Variants in ESRRG observed in about 807,000 individuals in gnomAD.
ESRRG encodes estrogen related receptor gamma, also known as estrogen-related receptor gamma.
ESRRG carries 13 observed loss-of-function variants against 44.0 expected under a neutral mutation model. The ratio of observed to expected loss-of-function variants is 0.30; its 90% CI spans 0.19 to 0.47. The LOEUF (loss-of-function observed/expected upper bound fraction) is 0.47. Ranked by LOEUF, ESRRG falls within the 20% of genes least tolerant of loss-of-function variation. The probability of loss-of-function intolerance (pLI) is 1.00; values close to 1 mark genes in which losing one functional copy is unlikely to be tolerated. For missense variants in ESRRG, 395 were observed against 580.6 expected (o/e 0.68, Z 3.29); for synonymous variants, 215 against 214.6 (o/e 1.00, Z -0.02).
chr1:216,702,093 T>A (rs1486332444), intron 1 of ESRRG, among the ~76,000 whole-genome samples: 2 of 152,256 alleles, frequency 1.3e-5, no homozygotes, highest in Non-Finnish European at 2.9e-5. Flanking sequence ...CAAGTAGTTA[T>A]CGCTAATTAA....
At chr1:217,128,593 T>TA (rs984513240) in intron 1 of ESRRG, among the ~76,000 whole-genome samples, 7 of 151,442 alleles carry the variant, frequency 4.6e-5, no homozygotes, top group East Asian at 1.9e-4. Context: ...AATGATAATT[T>TA]AAAAAAAAAT....
chr1:217,006,887 T>C (rs2077821962), intron 1 of ESRRG, among the ~76,000 whole-genome samples: 1 of 152,114 alleles, frequency 6.6e-6, no homozygotes, highest in Non-Finnish European at 1.5e-5. Flanking sequence ...CTGTATTTAG[T>C]AAACTGAACT....
At chr1:217,030,674 C>A (rs2081946163) in intron 1 of ESRRG, among the ~76,000 whole-genome samples, 1 of 152,174 alleles carries the variant, frequency 6.6e-6, no homozygotes, top group South Asian at 2.1e-4. Flanking sequence ...AGGAGATGGG[C>A]TGAGCATTTG....
chr1:216,970,120 G>A (rs1468946255), intron 1 of ESRRG, among the ~76,000 whole-genome samples: 2 of 152,054 alleles, frequency 1.3e-5, no homozygotes, highest in East Asian at 1.9e-4. Flanking sequence ...CCAGAGTCAA[G>A]TTCAAGTGGG....
chr1:217,073,381 C>T (rs565680599), intron 1 of ESRRG, among the ~76,000 whole-genome samples: 1 of 152,082 alleles, frequency 6.6e-6, no homozygotes, highest in Admixed American at 6.5e-5. Flanking sequence ...CTACTGCACA[C>T]TGCAGCTTGG....
intron 1 of ESRRG, among the ~76,000 whole-genome samples, chr1:216,986,437 G>A (rs2818773): frequency 0.2 from 30,207 of 151,914 alleles, 3,510 homozygotes; most frequent in East Asian, 0.43. Flanking sequence ...GTTTGAGGCC[G>A]GCATGGTGGC....
rs141051307 is a variant in ESRRG, at chr1:216,884,170, A to G, written c.-14+55412T>C. Among the ~76,000 whole-genome samples, 412 of 152,290 alleles carry G rather than the reference A, an allele frequency of 2.7e-3. 1 individual carries two copies. Among genetic ancestry groups the G allele is most frequent in the African/African-American group, 9.6e-3 (401 of 41,568 alleles). ...GTCACTTAAGGCTCTGCTGCAGGAAACTAGGTTTGTCAATTTGGTTTTACA... is the reference window on the plus strand; with the variant it reads ...GTCACTTAAGGCTCTGCTGCAGGAAGCTAGGTTTGTCAATTTGGTTTTACA... On this transcript the variant is annotated intron_variant, in intron 2 of 7. Coordinates refer to the ESRRG transcript ENST00000359162.
chr1:216,723,604 A>C (rs554326780), upstream of ESRRG: 5 of 393,318 alleles, frequency 1.3e-5, no homozygotes, highest in Non-Finnish European at 2.3e-5. Flanking sequence ...GCAGGTAGGC[A>C]GGGTGCAGAG....
intron 1 of ESRRG, among the ~76,000 whole-genome samples, chr1:217,051,153 C>T (rs1247266058): frequency 2.3e-5 from 3 of 128,738 alleles, no homozygotes; most frequent in Non-Finnish European, 4.7e-5. Flanking sequence ...TCAGCAGTTA[C>T]GTGTCCTCAG....
chr1:216,845,210 T>C (rs911423900), intron 2 of ESRRG, among the ~76,000 whole-genome samples: 4 of 152,280 alleles, frequency 2.6e-5, no homozygotes, highest in Non-Finnish European at 4.4e-5. Flanking sequence ...AATGTTTTTC[T>C]GTCTTGTTCA....
intron 1 of ESRRG, among the ~76,000 whole-genome samples, chr1:217,011,981 A>G (rs1355128002): frequency 1.3e-5 from 2 of 152,158 alleles, no homozygotes; most frequent in African/African-American, 2.4e-5. Flanking sequence ...CCCCACCATC[A>G]TTGCAATGAG....
chr1:217,131,352 A>C (rs2092963056), intron 1 of ESRRG, among the ~76,000 whole-genome samples: 1 of 152,136 alleles, frequency 6.6e-6, no homozygotes, highest in African/African-American at 2.4e-5. Flanking sequence ...AACAGTGAGC[A>C]AGTATTTGAA....
intron 1 of ESRRG, among the ~76,000 whole-genome samples, chr1:217,035,235 C>T (rs1428862381): frequency 6.8e-6 from 1 of 146,442 alleles, no homozygotes; most frequent in Non-Finnish European, 1.5e-5. Flanking sequence ...CCTGAAATCC[C>T]AGTGCTTTGG....
rs143325476 is a variant in ESRRG at position 217,081,221 on chromosome 1, C to CT, written c.-106+8285dup. Among the ~76,000 whole-genome samples, 541 of 70,354 alleles carry CT rather than the reference C, an allele frequency of 7.7e-3. 74 individuals carry two copies. Among genetic ancestry groups the CT allele is most frequent in the African/African-American group, 0.029 (483 of 16,550 alleles). The allele number at this position is 70,354 out of a possible 152,430, so 46.2% of individuals were successfully genotyped here. A position where few individuals can be genotyped will look rare whatever the true frequency, so the allele number is the denominator to read the frequency against. On this transcript the variant is annotated intron_variant, in intron 1 of 7. Coordinates refer to the ESRRG transcript ENST00000359162. ...TCAGTGAATTATAGATAAAAATATT[C>CT]TTTTTTTTTTTTTTTTTTTTTTTGA...
intron 2 of ESRRG, among the ~76,000 whole-genome samples, chr1:216,777,336 G>C (rs1206010274): frequency 6.6e-6 from 1 of 152,102 alleles, no homozygotes; most frequent in Non-Finnish European, 1.5e-5. Flanking sequence ...ATTCCCAACA[G>C]TGTCCCCGCA....
chr1:216,586,174 C>G (rs142345913), intron 3 of ESRRG, among the ~76,000 whole-genome samples: 1,781 of 152,178 alleles, frequency 0.012, 37 homozygotes, highest in African/African-American at 0.04. Context: ...GTTAAACATT[C>G]AAATCTTCAT....
intron 3 of ESRRG, among the ~76,000 whole-genome samples, 191 bp from the exon 4 acceptor site, chr1:216,568,289 C>A (rs2060046689): frequency 6.6e-6 from 1 of 152,186 alleles, no homozygotes; most frequent in Non-Finnish European, 1.5e-5. Flanking sequence ...CCAAATCTGT[C>A]AGCAGATGAC....
At chr1:216,596,089 C>G (rs1046860723) in intron 3 of ESRRG, among the ~76,000 whole-genome samples, 12 of 152,198 alleles carry the variant, frequency 7.9e-5, no homozygotes, top group Admixed American at 1.3e-4. Flanking sequence ...CTGGGGTCAA[C>G]TGGCTCACTG....
chr1:216,900,443 G>C (rs2058940196), intron 2 of ESRRG, among the ~76,000 whole-genome samples: 1 of 152,204 alleles, frequency 6.6e-6, no homozygotes. Flanking sequence ...AAAGCTCCCA[G>C]AATCAAGCAG....
Sources: allele counts gnomAD v4.1 joint callset (sites outside exome capture counted in the v4.1 genomes callset), GRCh38; gene constraint gnomAD v4.1.1; transcripts MANE v1.5; gene names NCBI Gene and HGNC (gene_info 2026-07-23, HGNC 2026-07-21).